Variants in UAP1 observed in about 807,000 individuals in gnomAD.
UAP1 encodes the protein UDP-N-acetylhexosamine pyrophosphorylase.
A neutral mutation model predicts 58.5 loss-of-function variants in UAP1; 25 were observed. The ratio of observed to expected loss-of-function variants is 0.43; its 90% CI spans 0.31 to 0.60. UAP1 has a LOEUF of 0.60. UAP1 is among the 20% of genes least tolerant of loss of function. The pLI, the probability that UAP1 is intolerant of heterozygous loss-of-function variation, is 0.11. For synonymous variants in UAP1, 208 were observed against 213.0 expected (o/e 0.98, Z 0.21); for missense variants, 575 against 630.0 (o/e 0.91, Z 0.93).
exon 3 of UAP1, chr1:162,576,855 A>T: frequency 6.2e-7 from 1 of 1,614,184 alleles, no homozygotes; most frequent in African/African-American, 1.3e-5. Context: ...GGCGTTGCAT[A>T]TCCTAAGGGG....
intron 7 of UAP1, among the ~76,000 whole-genome samples, chr1:162,589,974 AAAAT>A (rs1655197865): frequency 6.6e-6 from 1 of 152,142 alleles, no homozygotes. Context: ...CCGTCTCAAA[AAAAT>A]AAATAAATAA....
At chr1:162,584,657 A>G (rs768642074) in intron 5 of UAP1, among the ~76,000 whole-genome samples, 18 of 151,544 alleles carry the variant, frequency 1.2e-4, no homozygotes, top group Non-Finnish European at 2.7e-4. Flanking sequence ...TAATTTTTGT[A>G]TTTTTTGTAG....
At chr1:162,583,126 G>A (rs1003322334) in intron 5 of UAP1, among the ~76,000 whole-genome samples, 5 of 139,594 alleles carry the variant, frequency 3.6e-5, no homozygotes, top group Middle Eastern at 4.4e-3. Context: ...ATAGGCACAC[G>A]CCTTCCACTT....
At chr1:162,579,685 T>G in intron 4 of UAP1, 82 bp downstream of exon 4, 1 of 1,229,472 alleles carries the variant, frequency 8.1e-7, no homozygotes, top group Non-Finnish European at 1.1e-6. Flanking sequence ...TTTAACATGG[T>G]GATTTTGATA....
At chr1:162,576,712 A>C (rs897756808) in intron 2 of UAP1, 65 bp from the exon 3 acceptor site, 12 of 1,422,758 alleles carry the variant, frequency 8.4e-6, no homozygotes, top group Non-Finnish European at 1.2e-5. Context: ...GCTGCTACCT[A>C]TGTATATTTA....
chr1:162,578,804 A>G (rs1216556368), intron 3 of UAP1, among the ~76,000 whole-genome samples: 2 of 152,166 alleles, frequency 1.3e-5, no homozygotes, highest in African/African-American at 2.4e-5. Flanking sequence ...TTTTCTAGGT[A>G]TTGAGGATAA....
At chr1:162,598,169 C>A (rs1377854894) in intron 10 of UAP1, among the ~76,000 whole-genome samples, 1 of 151,414 alleles carries the variant, frequency 6.6e-6, no homozygotes, top group Non-Finnish European at 1.5e-5. Context: ...GAGTTTGAGA[C>A]CAGCCTGGGC....
chr1:162,564,540 C>T (rs1653368349), intron 1 of UAP1, among the ~76,000 whole-genome samples: 1 of 152,192 alleles, frequency 6.6e-6, no homozygotes, highest in African/African-American at 2.4e-5. Flanking sequence ...CTCATTTTCT[C>T]TGCCACTAAT....
At chr1:162,570,006 A>G (rs1336765569) in intron 2 of UAP1, among the ~76,000 whole-genome samples, 1 of 152,066 alleles carries the variant, frequency 6.6e-6, no homozygotes, top group African/African-American at 2.4e-5. Context: ...AAAATTAGCC[A>G]GGTGTGGTGG....
chr1:162,592,043 T>C (rs1189607222), intron 8 of UAP1, among the ~76,000 whole-genome samples: 1 of 152,218 alleles, frequency 6.6e-6, no homozygotes, highest in Non-Finnish European at 1.5e-5. Context: ...AAAAGCATTC[T>C]GGCATTTAAT....
chr1:162,572,695 C>T (rs922266550), intron 2 of UAP1, among the ~76,000 whole-genome samples: 6 of 152,200 alleles, frequency 3.9e-5, no homozygotes, highest in Admixed American at 3.3e-4. Flanking sequence ...TTTATTATAA[C>T]ACCTTTGATG....
At chr1:162,598,764 A>T (rs1025826430) in intron 10 of UAP1, among the ~76,000 whole-genome samples, 3 of 152,188 alleles carry the variant, frequency 2.0e-5, no homozygotes, top group South Asian at 2.1e-4. Context: ...CTGTAATCCC[A>T]GCGCTTTGGG....
chr1:162,576,271 G>A (rs1016266815), intron 2 of UAP1, among the ~76,000 whole-genome samples: 4 of 152,016 alleles, frequency 2.6e-5, no homozygotes, highest in East Asian at 1.9e-4. Context: ...CATTCATCCC[G>A]AAACTTTGGT....
chr1:162,589,183 TAA>T (rs1557977548), intron 7 of UAP1, among the ~76,000 whole-genome samples: 36 of 90,774 alleles, frequency 4.0e-4, no homozygotes, highest in South Asian at 9.1e-4. Flanking sequence ...ATATTATATA[TAA>T]TATATATTAT....
exon 11 of UAP1, chr1:162,599,494 C>T: frequency 1.8e-6 from 1 of 546,026 alleles, no homozygotes; most frequent in Non-Finnish European, 3.2e-6. Context: ...TTGTTGAACT[C>T]TTAGAGCTAT....
downstream of UAP1, among the ~76,000 whole-genome samples, chr1:162,600,667 C>T (rs1386135269): frequency 1.3e-5 from 2 of 148,764 alleles, no homozygotes; most frequent in African/African-American, 4.9e-5. Context: ...TTTTGAAGAG[C>T]ATGTGATGTT....
At chr1:162,582,982 A>AT (rs35829125) in intron 5 of UAP1, among the ~76,000 whole-genome samples, 137 of 146,518 alleles carry the variant, frequency 9.4e-4, no homozygotes, top group South Asian at 8.6e-4. Context: ...TCTGAACTGT[A>AT]TTTTTTTTTT....
At chr1:162,565,950 A>G (rs2101727765) in intron 1 of UAP1, 62 bp from the exon 2 acceptor site, 1 of 1,087,846 alleles carries the variant, frequency 9.2e-7, no homozygotes, top group South Asian at 1.6e-5. Context: ...TTTAGAGGGG[A>G]AAAAAGCCCT....
intron 2 of UAP1, among the ~76,000 whole-genome samples, chr1:162,567,886 C>T (rs1653615065): frequency 6.6e-6 from 1 of 152,118 alleles, no homozygotes; most frequent in Non-Finnish European, 1.5e-5. Context: ...AACTTCGCCT[C>T]TTAGGCTTAA....
Sources: gnomAD v4.1 joint callset for allele counts (sites outside exome capture counted in the v4.1 genomes callset) on GRCh38, gnomAD v4.1.1 for gene constraint, MANE v1.5 for transcripts, NCBI Gene and HGNC (gene_info 2026-07-23, HGNC 2026-07-21) for gene names.